Variants in FRMD6 observed in about 807,000 individuals in gnomAD.
FRMD6 encodes FERM domain-containing protein 6.
A neutral mutation model predicts 73.2 loss-of-function variants in FRMD6; 37 were observed. That is an observed-to-expected ratio of 0.51 (90% CI 0.39 to 0.66). The LOEUF (loss-of-function observed/expected upper bound fraction) is 0.66, where lower values mean the gene tolerates loss of function less well. Ranked by LOEUF, FRMD6 falls within the 30% of genes least tolerant of loss-of-function variation. FRMD6 has a pLI of 0.00. For synonymous variants in FRMD6, 273 were observed against 282.2 expected (o/e 0.97, Z 0.33); for missense variants, 714 against 780.5 (o/e 0.91, Z 1.02).
chr14:51,534,678 C>T (rs1223580725), intron 1 of FRMD6, among the ~76,000 whole-genome samples: 2 of 152,174 alleles, frequency 1.3e-5, no homozygotes, highest in African/African-American at 4.8e-5. Flanking sequence ...CCTTCCAGAA[C>T]AGGTAAATAA....
Position 51,600,305 on chromosome 14 carries a change from A to G in FRMD6, c.-147+29895A>G, listed in dbSNP as rs149292375. On this transcript the variant is annotated intron_variant, in intron 2 of 14. Coordinates refer to the FRMD6 transcript ENST00000356218. ...TCCCTTCATTGAGTAACATTTCAGA[A>G]AAGCACCAGTAATTGGAACATAATT... Among the ~76,000 whole-genome samples, 918 of 152,300 alleles carry G rather than the reference A, an allele frequency of 6.0e-3. 12 individuals carry two copies. The highest frequency in any genetic ancestry group is 0.021 in the African/African-American group (858 of 41,556).
intron 1 of FRMD6, among the ~76,000 whole-genome samples, chr14:51,506,286 C>T (rs1883960288): frequency 6.6e-6 from 1 of 152,192 alleles, no homozygotes; most frequent in Non-Finnish European, 1.5e-5. Flanking sequence ...CCCAGGCCTC[C>T]CTCTCAGCGC....
chr14:51,485,682 G>A (rs1307748015), upstream of FRMD6, among the ~76,000 whole-genome samples: 3 of 152,138 alleles, frequency 2.0e-5, no homozygotes, highest in Non-Finnish European at 4.4e-5. Flanking sequence ...AGGGTATATC[G>A]TAGTCACGCC....
Position 51,641,134 on chromosome 14 carries a change from T to A in FRMD6, c.-146-48557T>A, listed in dbSNP as rs760890243. 2.3e-4 allele frequency among the ~76,000 whole-genome samples: 35 copies of A among 152,050 alleles called. 1 individual carries two copies. Among genetic ancestry groups the A allele is most frequent in the Non-Finnish European group, 1.2e-4 (8 of 67,998 alleles). On this transcript the variant is annotated intron_variant, in intron 2 of 14. Coordinates refer to the FRMD6 transcript ENST00000356218. ...TATAGGCGATGCCACCACACCCTGC[T>A]AATTTTTTGTATTTATTTATTTATT...
At chr14:51,562,327 A>C (rs906338496) in intron 1 of FRMD6, among the ~76,000 whole-genome samples, 2 of 152,192 alleles carry the variant, frequency 1.3e-5, no homozygotes, top group Non-Finnish European at 2.9e-5. Flanking sequence ...CAGGTTGACA[A>C]TCTCTATCTA....
intron 1 of FRMD6, among the ~76,000 whole-genome samples, chr14:51,529,524 G>C (rs1184255070): frequency 6.6e-6 from 1 of 152,124 alleles, no homozygotes; most frequent in Non-Finnish European, 1.5e-5. Flanking sequence ...TGCTGGCCAG[G>C]CATTTTATCA....
intron 2 of FRMD6, among the ~76,000 whole-genome samples, chr14:51,693,142 C>T (rs1895718691): frequency 6.6e-6 from 1 of 152,170 alleles, no homozygotes; most frequent in Admixed American, 6.6e-5. Flanking sequence ...ATTCAAATCT[C>T]ATATCTGAAT....
At chr14:51,618,316 C>T (rs983057880) in intron 2 of FRMD6, among the ~76,000 whole-genome samples, 3 of 152,028 alleles carry the variant, frequency 2.0e-5, no homozygotes, top group Non-Finnish European at 4.4e-5. Context: ...AAAAGAAATC[C>T]AAGGCAACTA....
At chr14:51,433,217 A>G in the FRMD6 span, among the ~76,000 whole-genome samples, 2 of 152,204 alleles carry the variant, frequency 1.3e-5, no homozygotes, top group Admixed American at 6.5e-5. Context: ...ACTTCCAATG[A>G]TATGACAGTA....
the FRMD6 span, among the ~76,000 whole-genome samples, chr14:51,421,480 C>T: frequency 1.3e-5 from 2 of 152,106 alleles, no homozygotes; most frequent in African/African-American, 4.8e-5. Context: ...TGAGTGAGAA[C>T]AAAATAAATT....
chr14:51,430,563 A>G, the FRMD6 span, among the ~76,000 whole-genome samples: 16 of 152,018 alleles, frequency 1.1e-4, no homozygotes, highest in Non-Finnish European at 5.9e-5. Context: ...GTGGTAGTTA[A>G]AAAGTCAAGG....
chr14:51,686,098 A>G (rs1226494164), intron 1 of FRMD6, among the ~76,000 whole-genome samples: 1 of 152,148 alleles, frequency 6.6e-6, no homozygotes, highest in Non-Finnish European at 1.5e-5. Context: ...TCCTTTGCCT[A>G]CATTCAATAT....
chr14:51,463,725 A>C, the FRMD6 span, among the ~76,000 whole-genome samples: 1 of 152,226 alleles, frequency 6.6e-6, no homozygotes, highest in Non-Finnish European at 1.5e-5. Flanking sequence ...GTAGGCCTTC[A>C]TGGAAGATGT....
intron 1 of FRMD6, among the ~76,000 whole-genome samples, chr14:51,523,309 A>T (rs968054013): frequency 3.9e-5 from 6 of 152,162 alleles, no homozygotes; most frequent in African/African-American, 1.2e-4. Flanking sequence ...ATAAAATGTT[A>T]TGCTACCTCC....
At chr14:51,423,398 C>G in the FRMD6 span, among the ~76,000 whole-genome samples, 1 of 152,202 alleles carries the variant, frequency 6.6e-6, no homozygotes, top group Non-Finnish European at 1.5e-5. Context: ...GGGGCTTCTT[C>G]TCAGCTTGCG....
intron 2 of FRMD6, among the ~76,000 whole-genome samples, chr14:51,619,379 A>AG (rs1890837145): frequency 1.3e-5 from 2 of 151,512 alleles, no homozygotes; most frequent in South Asian, 4.2e-4. Context: ...AGGAGGATAA[A>AG]GAAAAAAAAA....
intron 2 of FRMD6, among the ~76,000 whole-genome samples, chr14:51,592,940 T>A (rs1489903392): frequency 1.3e-5 from 2 of 152,230 alleles, no homozygotes; most frequent in African/African-American, 2.4e-5. Flanking sequence ...GCATTCCTCA[T>A]TGTAGCACCT....
At chr14:51,431,246 A>T in the FRMD6 span, among the ~76,000 whole-genome samples, 613 of 152,334 alleles carry the variant, frequency 4.0e-3, 3 homozygotes, top group African/African-American at 0.014. Context: ...AAAGTTTGCA[A>T]ACAGGAAACT....
intron 1 of FRMD6, among the ~76,000 whole-genome samples, chr14:51,502,266 C>A (rs1160789711): frequency 6.6e-6 from 1 of 152,172 alleles, no homozygotes; most frequent in Admixed American, 6.5e-5. Flanking sequence ...GTCATGAAAT[C>A]TTTGCCTGTG....
Sources: gnomAD v4.1 joint callset for allele counts (sites outside exome capture counted in the v4.1 genomes callset) on GRCh38, gnomAD v4.1.1 for gene constraint, MANE v1.5 for transcripts, NCBI Gene and HGNC (gene_info 2026-07-23, HGNC 2026-07-21) for gene names.